Variants in RALGAPA2 observed in about 807,000 individuals in gnomAD.
The protein encoded by RALGAPA2 is ral GTPase-activating protein subunit alpha-2.
A neutral mutation model predicts 230.4 loss-of-function variants in RALGAPA2; 139 were observed. The ratio of observed to expected loss-of-function variants is 0.60; its 90% CI spans 0.53 to 0.69. RALGAPA2 has a LOEUF of 0.69. RALGAPA2 is among the 30% of genes least tolerant of loss of function. RALGAPA2 has a pLI of 0.00. For synonymous variants in RALGAPA2, 847 were observed against 837.8 expected, an observed-to-expected ratio of 1.01 and a Z score of -0.19; for missense variants, 2,163 against 2,276.0, an observed-to-expected ratio of 0.95 and a Z score of 1.01.
At chr20:20,641,479 T>A (rs945076216) in intron 5 of RALGAPA2, among the ~76,000 whole-genome samples, 10 of 152,304 alleles carry the variant, frequency 6.6e-5, no homozygotes, top group Admixed American at 2.0e-4. Context: ...ATACCTTATG[T>A]CCCTATTCTA....
chr20:20,550,198 C>T (rs986595986), intron 23 of RALGAPA2, among the ~76,000 whole-genome samples: 1 of 152,162 alleles, frequency 6.6e-6, no homozygotes, highest in African/African-American at 2.4e-5. Context: ...CCTCTGCGTA[C>T]TCAGAACTTA....
Position 20,712,614 on chromosome 20 carries a change from C to G in RALGAPA2, c.-134G>C. 1 of 1,190,440 alleles carries G rather than the reference C, an allele frequency of 8.4e-7. No individual in the cohort carries two copies. The highest frequency in any genetic ancestry group is 1.0e-6 in the Non-Finnish European group (1 of 956,774). 73.7% of individuals were successfully genotyped at this position (1,190,440 alleles called of 1,614,324 possible). On this transcript the variant is annotated 5_prime_UTR_variant, in exon 1 of 40. Transcript: ENST00000202677. This position sits in a 1 kb window ranked among gnomAD's most constrained non-coding sequence, Gnocchi z 5.5. The stretch of plus-strand genomic sequence containing the variant: ...CCCAGCCCCGCTGCTGCCGCCGCCG[C>G]CGCCGCCGCCGCCGCCTCAGCTGTG...
chr20:20,632,572 C>T (rs1423271956), intron 9 of RALGAPA2, among the ~76,000 whole-genome samples: 1 of 152,172 alleles, frequency 6.6e-6, no homozygotes. Context: ...AGGTTACACC[C>T]ATTAATTAAG....
chr20:20,585,024 G>T, intron 18 of RALGAPA2, 69 bp from the exon 19 acceptor site: 1 of 955,226 alleles, frequency 1.0e-6, no homozygotes, highest in Non-Finnish European at 1.5e-6. Flanking sequence ...TAAGTTTCTA[G>T]CCCAAATTTC....
intron 4 of RALGAPA2, among the ~76,000 whole-genome samples, chr20:20,650,587 T>TA: frequency 6.6e-6 from 1 of 152,146 alleles, no homozygotes; most frequent in Non-Finnish European, 1.5e-5. Flanking sequence ...AGTATAGGAG[T>TA]GTCCTCCCTA....
chr20:20,583,454 C>T (rs73292771), intron 19 of RALGAPA2, among the ~76,000 whole-genome samples: 1,662 of 152,250 alleles, frequency 0.011, 25 homozygotes, highest in African/African-American at 0.038. Flanking sequence ...ATTATGAGCA[C>T]CACTATGTAT....
chr20:20,610,486 G>A (rs1391243464), intron 14 of RALGAPA2, among the ~76,000 whole-genome samples: 3 of 152,074 alleles, frequency 2.0e-5, no homozygotes, highest in African/African-American at 7.2e-5. Flanking sequence ...ACCAAAGACC[G>A]GCCCAGCCCT....
At chr20:20,457,236 C>T (rs1197790915) in intron 37 of RALGAPA2, among the ~76,000 whole-genome samples, 1 of 152,178 alleles carries the variant, frequency 6.6e-6, no homozygotes, top group Non-Finnish European at 1.5e-5. Context: ...CATTTACTTT[C>T]AGCACAGGGA....
intron 4 of RALGAPA2, among the ~76,000 whole-genome samples, chr20:20,649,672 AAAT>A: frequency 6.6e-6 from 1 of 152,328 alleles, no homozygotes; most frequent in East Asian, 1.9e-4. Flanking sequence ...CCTACCTGAC[AAAT>A]AATTATTGAG....
chr20:20,573,938 TAAGTA>T (rs2064736720), intron 20 of RALGAPA2, among the ~76,000 whole-genome samples: 1 of 152,246 alleles, frequency 6.6e-6, no homozygotes, highest in Non-Finnish European at 1.5e-5. Context: ...ACATTTCTCT[TAAGTA>T]AATATCTAGG....
rs555434241 is a variant in RALGAPA2 at position 20,689,994 on chromosome 20, C to G, written c.107-9193G>C. ...CCCAAACCTTCCCTGTCCACTACCC[C>G]CCTCATCTCTGTCATATCTTTTTCA... On this transcript the variant is annotated intron_variant, in intron 1 of 39. Coordinates refer to ENST00000202677, the MANE Select transcript of RALGAPA2 (RefSeq NM_020343.4). 8.7e-4 allele frequency among the ~76,000 whole-genome samples: 133 copies of G among 152,180 alleles called. 1 individual carries two copies. The highest frequency in any genetic ancestry group is 3.0e-3 in the African/African-American group (124 of 41,526).
At chr20:20,620,841 C>T (rs748755185) in intron 10 of RALGAPA2, among the ~76,000 whole-genome samples, 10 of 152,094 alleles carry the variant, frequency 6.6e-5, no homozygotes, top group Non-Finnish European at 1.3e-4. Flanking sequence ...TAAAAAATGG[C>T]GTTAAAAATA....
intron 35 of RALGAPA2, 63 bp downstream of exon 35, chr20:20,503,288 T>A: frequency 7.2e-7 from 1 of 1,389,062 alleles, no homozygotes; most frequent in Non-Finnish European, 9.7e-7. Flanking sequence ...TATTTGTCTG[T>A]CCTAGGAGAG....
intron 31 of RALGAPA2, 57 bp from the exon 32 acceptor site, chr20:20,513,341 A>C (rs1021672396): frequency 6.0e-5 from 78 of 1,292,292 alleles, no homozygotes; most frequent in Non-Finnish European, 6.9e-5. Flanking sequence ...ATTAAAACTC[A>C]ACACCTTTTT....
chr20:20,507,082 A>T (rs891731517), intron 33 of RALGAPA2, among the ~76,000 whole-genome samples: 3 of 152,222 alleles, frequency 2.0e-5, no homozygotes, highest in Admixed American at 6.5e-5. Context: ...TTTACAACAG[A>T]TTTTTTCACT....
At chr20:20,685,519 C>T (rs2146870231) in intron 1 of RALGAPA2, among the ~76,000 whole-genome samples, 1 of 152,330 alleles carries the variant, frequency 6.6e-6, no homozygotes, top group Non-Finnish European at 1.5e-5. Context: ...GGGTCAGGAT[C>T]TCCAGTGACC....
At chr20:20,436,746 C>T (rs538155819) in intron 37 of RALGAPA2, among the ~76,000 whole-genome samples, 7 of 152,298 alleles carry the variant, frequency 4.6e-5, no homozygotes, top group East Asian at 1.9e-4. Flanking sequence ...CTGGCCTAGT[C>T]GGGTGAGTAG....
chr20:20,631,037 T>C (rs2066656745), intron 9 of RALGAPA2, among the ~76,000 whole-genome samples: 1 of 152,198 alleles, frequency 6.6e-6, no homozygotes, highest in African/African-American at 2.4e-5. Flanking sequence ...ATGGACTGTA[T>C]GACTGCTTTA....
intron 3 of RALGAPA2, among the ~76,000 whole-genome samples, chr20:20,659,461 C>T (rs891388422): frequency 2.0e-5 from 3 of 152,194 alleles, no homozygotes; most frequent in African/African-American, 4.8e-5. Flanking sequence ...AACTGAAAGT[C>T]CATCAGCCAC....
Sources: gnomAD v4.1 joint callset for allele counts (sites outside exome capture counted in the v4.1 genomes callset) on GRCh38, gnomAD v4.1.1 for gene constraint, Gnocchi (gnomAD v3.1) non-coding constraint, MANE v1.5 for transcripts, NCBI Gene and HGNC (gene_info 2026-07-23, HGNC 2026-07-21) for gene names.